Variants in SAMD12 observed in about 807,000 individuals in gnomAD.
The protein encoded by SAMD12 is sterile alpha motif domain-containing protein 12.
Under a neutral mutation model 15.0 loss-of-function variants are expected in SAMD12, and 9 were observed. That is an observed-to-expected ratio of 0.60 (90% CI 0.36 to 1.05). SAMD12 has a LOEUF of 1.05. SAMD12 is among the 50% of genes least tolerant of loss of function. SAMD12 has a pLI of 0.01. For synonymous variants in SAMD12, 86 were observed against 90.1 expected, an observed-to-expected ratio of 0.96 and a Z score of 0.25; for missense variants, 230 against 234.2, an observed-to-expected ratio of 0.98 and a Z score of 0.12.
In SAMD12 at chr8:118,363,100, A is replaced by G. The variant is rs1818584872; in HGVS notation, c.433+16460T>C. 2.6e-5 allele frequency among the ~76,000 whole-genome samples: 4 copies of G among 152,192 alleles called. No homozygotes were observed. The South Asian group carries it at 8.3e-4, about 31-fold the overall frequency. Reference sequence around the variant, plus strand: ...TGTTAATTTCTTTAAGTGCATCTTGAGTTTCTTGCAAAAGAAAAACATGTA... The same window carrying G: ...TGTTAATTTCTTTAAGTGCATCTTGGGTTTCTTGCAAAAGAAAAACATGTA... On this transcript the variant is annotated intron_variant, in intron 4 of 4. Transcript: ENST00000409003.
chr8:118,157,681 T>C, the SAMD12 span, among the ~76,000 whole-genome samples: 2 of 152,242 alleles, frequency 1.3e-5, no homozygotes, highest in South Asian at 4.1e-4. Context: ...ATTTCGTTAC[T>C]GTTTTTACAA....
intron 2 of SAMD12, among the ~76,000 whole-genome samples, chr8:118,538,894 T>C (rs1825917547): frequency 6.6e-6 from 1 of 152,240 alleles, no homozygotes; most frequent in Non-Finnish European, 1.5e-5. Context: ...TATTTGTATG[T>C]TCTTTTTTCC....
At chr8:118,366,424 C>T (rs1352065720) in intron 4 of SAMD12, among the ~76,000 whole-genome samples, 1 of 152,198 alleles carries the variant, frequency 6.6e-6, no homozygotes, top group Non-Finnish European at 1.5e-5. Context: ...GTATCCCTAA[C>T]ATACAGCATA....
At chr8:118,186,969 G>T (rs1261132835), downstream of SAMD12, among the ~76,000 whole-genome samples, 2 of 152,194 alleles carry the variant, frequency 1.3e-5, no homozygotes, top group East Asian at 3.8e-4. Context: ...GAAGTATCAT[G>T]AAGGACAAAG....
intron 4 of SAMD12, among the ~76,000 whole-genome samples, chr8:118,283,314 T>C (rs1476733354): frequency 6.6e-6 from 1 of 152,218 alleles, no homozygotes; most frequent in African/African-American, 2.4e-5. Context: ...TCAATGAATA[T>C]GATCTGAACC....
chr8:118,290,915 C>T (rs151126539), intron 4 of SAMD12, among the ~76,000 whole-genome samples: 2 of 152,126 alleles, frequency 1.3e-5, no homozygotes, highest in Non-Finnish European at 2.9e-5. Flanking sequence ...TAAATGCATG[C>T]CTTTACAACT....
At chr8:118,161,575 A>AG in the SAMD12 span, among the ~76,000 whole-genome samples, 3 of 151,690 alleles carry the variant, frequency 2.0e-5, no homozygotes, top group Non-Finnish European at 4.4e-5. Flanking sequence ...AAAAAAAAAA[A>AG]AAAGACATTG....
At chr8:118,549,219 T>A (rs1367440241) in intron 2 of SAMD12, among the ~76,000 whole-genome samples, 6 of 152,216 alleles carry the variant, frequency 3.9e-5, no homozygotes, top group East Asian at 1.9e-4. Context: ...ACGGGCAGAC[T>A]GCCACCTCAA....
chr8:118,425,234 A>G (rs1822194166), intron 3 of SAMD12, among the ~76,000 whole-genome samples: 4 of 152,278 alleles, frequency 2.6e-5, no homozygotes, highest in Admixed American at 2.0e-4. Context: ...CACCGTGCCC[A>G]GCTGTGGTAT....
chr8:118,401,539 T>TTC (rs1216039709), intron 3 of SAMD12, among the ~76,000 whole-genome samples: 1 of 116,198 alleles, frequency 8.6e-6, no homozygotes, highest in Non-Finnish European at 1.8e-5. Context: ...TCCCTTCTTC[T>TTC]TCTTTTTTTT....
At chr8:118,184,695 C>T (rs1005696352), downstream of SAMD12, among the ~76,000 whole-genome samples, 10 of 152,094 alleles carry the variant, frequency 6.6e-5, no homozygotes, top group Non-Finnish European at 2.9e-5. Flanking sequence ...TAGGGTTTCA[C>T]CATCTTGCCC....
chr8:118,314,297 A>AT (rs1815771405), intron 4 of SAMD12, among the ~76,000 whole-genome samples: 1 of 152,140 alleles, frequency 6.6e-6, no homozygotes, highest in African/African-American at 2.4e-5. Context: ...TTAACTTTTT[A>AT]TTTTGAAATA....
intron 4 of SAMD12, among the ~76,000 whole-genome samples, chr8:118,247,916 T>C (rs1377556568): frequency 1.3e-5 from 2 of 152,020 alleles, no homozygotes; most frequent in African/African-American, 4.8e-5. Flanking sequence ...CAGATTAAAA[T>C]GGGAAAAAAA....
At chr8:118,595,023 C>A (rs1009234005) in intron 1 of SAMD12, among the ~76,000 whole-genome samples, 1 of 152,272 alleles carries the variant, frequency 6.6e-6, no homozygotes, top group East Asian at 1.9e-4. Flanking sequence ...AACACCATTA[C>A]CTACATCCCT....
the SAMD12 span, among the ~76,000 whole-genome samples, chr8:118,157,526 T>G: frequency 6.6e-6 from 1 of 152,224 alleles, no homozygotes; most frequent in Non-Finnish European, 1.5e-5. Context: ...AAAACATTTA[T>G]ATTATTTTAA....
At chr8:118,346,494 G>A (rs1487392480) in intron 4 of SAMD12, among the ~76,000 whole-genome samples, 1 of 152,190 alleles carries the variant, frequency 6.6e-6, no homozygotes, top group African/African-American at 2.4e-5. Flanking sequence ...GAATAATTAT[G>A]TGGGCTAATG....
At chr8:118,419,795 A>C (rs1015791332) in intron 3 of SAMD12, among the ~76,000 whole-genome samples, 1 of 152,202 alleles carries the variant, frequency 6.6e-6, no homozygotes, top group Non-Finnish European at 1.5e-5. Flanking sequence ...CACTAGATAC[A>C]TGCTTCACCA....
chr8:118,431,713 T>C (rs1026855993), intron 3 of SAMD12, among the ~76,000 whole-genome samples: 27 of 151,642 alleles, frequency 1.8e-4, no homozygotes, highest in Non-Finnish European at 3.8e-4. Context: ...TGTGTGTGTG[T>C]GTGTGTGTGT....
chr8:118,368,958 G>A (rs1305106090), intron 4 of SAMD12, among the ~76,000 whole-genome samples: 2 of 152,144 alleles, frequency 1.3e-5, no homozygotes, highest in African/African-American at 2.4e-5. Context: ...GCACTGGCAA[G>A]TCTTCCTTAT....
Sources: gnomAD v4.1 joint callset for allele counts (sites outside exome capture counted in the v4.1 genomes callset) on GRCh38, gnomAD v4.1.1 for gene constraint, MANE v1.5 for transcripts, NCBI Gene and HGNC (gene_info 2026-07-23, HGNC 2026-07-21) for gene names.